Variants in ARHGAP11B observed in about 807,000 individuals in gnomAD.
The protein encoded by ARHGAP11B is inactive Rho GTPase-activating protein 11B.
In ARHGAP11B, 14 loss-of-function variants were observed where a neutral mutation model predicts 27.6. The observed-to-expected ratio is 0.51, with a 90% confidence interval of 0.34 to 0.79. The LOEUF (loss-of-function observed/expected upper bound fraction) is 0.79, where lower values mean the gene tolerates loss of function less well. ARHGAP11B is among the 30% of genes least tolerant of loss of function. The pLI, the probability that ARHGAP11B is intolerant of heterozygous loss-of-function variation, is 0.02. For missense variants in ARHGAP11B, 245 were observed against 320.1 expected, an observed-to-expected ratio of 0.77 and a Z score of 1.79; for synonymous variants, 82 against 114.1, an observed-to-expected ratio of 0.72 and a Z score of 1.80.
intron 7 of ARHGAP11B, among the ~76,000 whole-genome samples, chr15:30,640,566 C>G (rs1307993449): frequency 6.6e-6 from 1 of 151,324 alleles, no homozygotes; most frequent in Non-Finnish European, 1.5e-5. Context: ...TCTCATTTAT[C>G]TTACATTTAG....
chr15:30,635,316 G>T lies in ARHGAP11B; in HGVS notation c.660+128G>T. ...TCTCTGTTTCTTTCAAAGGAACTAT[G>T]AAGGCAACTGTTAGAAAGTTGGTAT... On this transcript the variant is annotated intron_variant, in intron 5 of 10. Coordinates refer to ENST00000428041, the Ensembl canonical transcript of ARHGAP11B. 4.1e-6 allele frequency: 6 copies of T among 1,468,924 alleles called. No homozygotes were observed. In the South Asian group the frequency reaches 6.4e-5, roughly 16 times the overall value. The allele number at this position is 1,468,924 out of a possible 1,614,324, so 91.0% of individuals were successfully genotyped here. A position where few individuals can be genotyped will look rare whatever the true frequency, so the allele number is the denominator to read the frequency against.
At chr15:30,642,762 AAG>A (rs1567517587) in intron 7 of ARHGAP11B, among the ~76,000 whole-genome samples, 1 of 152,038 alleles carries the variant, frequency 6.6e-6, no homozygotes, top group Non-Finnish European at 1.5e-5. Flanking sequence ...GTATTATTAA[AAG>A]AGTTTAAAGA....
chr15:30,646,843 C>G (rs775780295), intron 9 of ARHGAP11B, among the ~76,000 whole-genome samples: 1 of 151,314 alleles, frequency 6.6e-6, no homozygotes, highest in Non-Finnish European at 1.5e-5. Flanking sequence ...GTGGTGCACT[C>G]GTGTAATCCT....
intron 1 of ARHGAP11B, among the ~76,000 whole-genome samples, chr15:30,629,333 G>A (rs958083995): frequency 1.3e-4 from 20 of 151,702 alleles, no homozygotes; most frequent in African/African-American, 4.4e-4. Context: ...CACGAGGTCA[G>A]GAGATCGAGA....
At chr15:30,641,611 A>T (rs1258529827) in intron 7 of ARHGAP11B, 1 of 152,094 alleles carries the variant, frequency 6.6e-6, no homozygotes, top group Non-Finnish European at 1.5e-5. Flanking sequence ...AAGTGCTGGG[A>T]TTACAGGTAT....
intron 7 of ARHGAP11B, 21 bp downstream of exon 7, chr15:30,638,831 A>G: frequency 3.8e-6 from 5 of 1,315,130 alleles, no homozygotes; most frequent in Non-Finnish European, 5.2e-6. Flanking sequence ...GTAGGTATTT[A>G]TTATATGCAT....
intron 6 of ARHGAP11B, among the ~76,000 whole-genome samples, chr15:30,636,744 G>A (rs1306339588): frequency 6.6e-6 from 1 of 152,064 alleles, no homozygotes; most frequent in African/African-American, 2.4e-5. Context: ...ATCCTTTCTT[G>A]CCTCTTCCTG....
intron 6 of ARHGAP11B, 27 bp from the exon 7 acceptor site, chr15:30,638,719 T>G (rs550951048): frequency 7.4e-6 from 10 of 1,345,814 alleles, no homozygotes; most frequent in Non-Finnish European, 1.0e-5. Flanking sequence ...AATGTGAAGT[T>G]GTAATTGCTT....
intron 5 of ARHGAP11B, 81 bp from the exon 6 acceptor site, chr15:30,635,406 T>C (rs1595674371): frequency 6.6e-7 from 1 of 1,512,610 alleles, no homozygotes; most frequent in East Asian, 2.3e-5. Context: ...GAAAAGAAAT[T>C]GGTATATTAG....
chr15:30,630,816 A>G (rs2060240062), intron 2 of ARHGAP11B, 43 bp downstream of exon 2: 12 of 1,605,488 alleles, frequency 7.5e-6, no homozygotes, highest in Non-Finnish European at 1.0e-5. Context: ...GCAGTGGCAT[A>G]TGCCTGTAAC....
intron 5 of ARHGAP11B, 79 bp downstream of exon 5, chr15:30,635,267 C>G (rs572627526): frequency 5.1e-6 from 8 of 1,560,602 alleles, no homozygotes; most frequent in Non-Finnish European, 7.0e-6. Flanking sequence ...GCATTATTAA[C>G]AGAATTTGTT....
chr15:30,634,321 A>G, exon 4 of ARHGAP11B: 1 of 1,613,490 alleles, frequency 6.2e-7, no homozygotes, highest in Non-Finnish European at 8.5e-7. Flanking sequence ...TTAGGCACAG[A>G]GGAAAAGAAT....
At chr15:30,628,827 A>G (rs2060225437) in intron 1 of ARHGAP11B, among the ~76,000 whole-genome samples, 1 of 152,058 alleles carries the variant, frequency 6.6e-6, no homozygotes, top group Non-Finnish European at 1.5e-5. Flanking sequence ...AAAACATTTT[A>G]TGAGATTAAA....
At chr15:30,644,656 A>G (rs2060335575) in exon 8 of ARHGAP11B, 7 of 1,588,696 alleles carry the variant, frequency 4.4e-6, no homozygotes, top group South Asian at 3.3e-5. Flanking sequence ...AACAACCACC[A>G]TCGGTTAAAT....
chr15:30,627,287 G>T (rs2060215772), intron 1 of ARHGAP11B, among the ~76,000 whole-genome samples: 1 of 151,900 alleles, frequency 6.6e-6, no homozygotes, highest in African/African-American at 2.4e-5. Flanking sequence ...ACTAGATGCT[G>T]GTAGCATCTC....
chr15:30,649,066 A>G (rs751457305), exon 11 of ARHGAP11B: 7 of 152,036 alleles, frequency 4.6e-5, no homozygotes, highest in African/African-American at 1.7e-4. Flanking sequence ...AGACATTCCA[A>G]ATCATTTCCA....
exon 5 of ARHGAP11B, chr15:30,635,089 G>C (rs760260503): frequency 6.2e-7 from 1 of 1,613,190 alleles, no homozygotes; most frequent in African/African-American, 1.3e-5. Context: ...GATCCAGTGA[G>C]AATAAGATGG....
At chr15:30,643,813 AG>A (rs1351451267) in intron 7 of ARHGAP11B, among the ~76,000 whole-genome samples, 1 of 152,080 alleles carries the variant, frequency 6.6e-6, no homozygotes, top group Admixed American at 6.6e-5. Flanking sequence ...AAAGGTTTTA[AG>A]AAATATTACA....
At chr15:30,637,338 G>A (rs533064044) in intron 6 of ARHGAP11B, among the ~76,000 whole-genome samples, 38 of 152,056 alleles carry the variant, frequency 2.5e-4, no homozygotes, top group Non-Finnish European at 4.9e-4. Context: ...AGATAACTCA[G>A]GCTTTAACCA....
Sources: allele counts gnomAD v4.1 joint callset (sites outside exome capture counted in the v4.1 genomes callset), GRCh38; gene constraint gnomAD v4.1.1; transcripts MANE v1.5; gene names NCBI Gene and HGNC (gene_info 2026-07-23, HGNC 2026-07-21).